The following BPTF variants were observed in gnomAD, a reference collection of about 807,000 sequenced individuals.
BPTF encodes bromodomain PHD finger transcription factor.
A neutral mutation model predicts 292.5 loss-of-function variants in BPTF; 18 were observed. The ratio of observed to expected loss-of-function variants is 0.06; its 90% CI spans 0.04 to 0.09. The LOEUF is 0.09. BPTF is among the 10% of genes least tolerant of loss of function. The pLI, the probability that BPTF is intolerant of heterozygous loss-of-function variation, is 1.00. For synonymous variants in BPTF, 1,225 were observed against 1,251.9 expected (o/e 0.98, Z 0.45); for missense variants, 2,726 against 3,498.7 (o/e 0.78, Z 5.57).
Position 67,911,126 on chromosome 17 carries a change from A to T in BPTF, c.3242A>T (p.Lys1081Ile), listed in dbSNP as rs761613293. Residue 1081 changes from lysine to isoleucine, a missense_variant, in exon 11 of 28, where the codon AAA (lysine) becomes ATA (isoleucine). Physicochemically the swap from Lys to Ile is moderately radical, Grantham distance 102. Around this residue, in one of 22 missense-constraint regions of BPTF, gnomAD observed 713 missense variants for 714.9 expected, o/e 1.00. Coordinates refer to ENST00000306378, the MANE Select transcript of BPTF (RefSeq NM_182641.4). ...FTLEEKQRLE[K>I]IKLEGGIKGI... ...CTGGAAGAAAAACAGCGACTCGAAA[A>T]AATCAAGTTGGAGGGTGGAATTAAG... 2.5e-6 allele frequency: 4 copies of T among 1,613,984 alleles called. No individual in the cohort carries two copies. Among genetic ancestry groups the T allele is most frequent in the Admixed American group, 3.3e-5 (2 of 60,002 alleles).
chr17:67,872,948 G>A (rs532115178), intron 3 of BPTF, among the ~76,000 whole-genome samples: 4 of 152,214 alleles, frequency 2.6e-5, no homozygotes, highest in East Asian at 1.9e-4. Context: ...TTAGCCAGGC[G>A]TGGTGACACA....
Position 67,910,973 on chromosome 17 carries a change from G to T in BPTF, c.3089G>T (p.Cys1030Phe). ...DDMKTESHVNCQESSQVDVVN... is the reference protein window; with the variant it reads ...DDMKTESHVNFQESSQVDVVN... The stretch of plus-strand genomic sequence containing the variant: ...ATGAAAACAGAGTCACATGTAAATT[G>T]TCAGGAGAGTTCTCAAGTAGATGTG... The change falls in exon 11 of 28, where the codon TGT (cysteine) becomes TTT (phenylalanine). Residue 1030 changes from cysteine to phenylalanine, a missense_variant. Cys to Phe is a radical substitution (Grantham distance 205). Around this residue, in one of 22 missense-constraint regions of BPTF, gnomAD observed 713 missense variants for 714.9 expected, o/e 1.00. Coordinates refer to ENST00000306378, the MANE Select transcript of BPTF (RefSeq NM_182641.4). The T allele has an allele frequency of 1.2e-6, 2 of 1,614,072 alleles. No homozygotes were observed. Among genetic ancestry groups the T allele is most frequent in the African/African-American group, 1.3e-5 (1 of 75,020 alleles).
At chr17:67,966,476 C>T (rs2068110892) in intron 25 of BPTF, 96 bp from the exon 26 acceptor site, 5 of 1,077,116 alleles carry the variant, frequency 4.6e-6, no homozygotes, top group Non-Finnish European at 7.0e-6. Flanking sequence ...AAATTTAAAA[C>T]TCACTTTTGG....
intron 15 of BPTF, among the ~76,000 whole-genome samples, chr17:67,927,181 C>G (rs911046051): frequency 3.3e-5 from 5 of 152,170 alleles, no homozygotes; most frequent in Admixed American, 6.5e-5. Context: ...CCTTAACTAG[C>G]TCTGTGGCCT....
intron 27 of BPTF, chr17:67,981,588 C>A: frequency 1.9e-6 from 2 of 1,044,812 alleles, no homozygotes; most frequent in South Asian, 2.9e-5. Flanking sequence ...AAAGATGTAT[C>A]GTGGTAAAAA....
At chr17:67,836,493 G>A (rs2057141940) in intron 1 of BPTF, among the ~76,000 whole-genome samples, 1 of 152,166 alleles carries the variant, frequency 6.6e-6, no homozygotes, top group Non-Finnish European at 1.5e-5. Flanking sequence ...CTCTTGTCCT[G>A]TTCTAATTCT....
chr17:67,972,481 T>C (rs2068872051), intron 26 of BPTF, among the ~76,000 whole-genome samples: 1 of 152,102 alleles, frequency 6.6e-6, no homozygotes, highest in Non-Finnish European at 1.5e-5. Context: ...TGACCTCAGG[T>C]AATCCGTCCG....
chr17:67,863,255 C>T lies in BPTF; in HGVS notation c.1437-3209C>T, dbSNP rs184588374. Among the ~76,000 whole-genome samples the T allele has an allele frequency of 3.0e-4, 45 of 152,276 alleles. 1 individual carries two copies. The highest frequency in any genetic ancestry group is 6.8e-3 in the Middle Eastern group (2 of 294). On this transcript the variant is annotated intron_variant, in intron 2 of 27. Coordinates refer to ENST00000306378, the MANE Select transcript of BPTF (RefSeq NM_182641.4). ...TTGGTTTACAAACAGACACATCACT[C>T]CAGTTGCTGCCTCTATGCTACCTTC...
intron 2 of BPTF, among the ~76,000 whole-genome samples, chr17:67,863,750 G>A (rs1283351126): frequency 6.6e-6 from 1 of 152,150 alleles, no homozygotes; most frequent in Non-Finnish European, 1.5e-5. Flanking sequence ...TGAGGTTGCA[G>A]GTGGACATGA....
At chr17:67,916,996 A>G (rs1216835639) in intron 11 of BPTF, among the ~76,000 whole-genome samples, 1 of 152,128 alleles carries the variant, frequency 6.6e-6, no homozygotes, top group Non-Finnish European at 1.5e-5. Context: ...GCAGTTAAGT[A>G]AATTTATTTT....
intron 27 of BPTF, among the ~76,000 whole-genome samples, chr17:67,976,703 AAAAAAAAAAAAAT>A (rs2069496495): frequency 7.2e-6 from 1 of 139,432 alleles, no homozygotes; most frequent in African/African-American, 2.6e-5. Flanking sequence ...AAAAAAAAAA[AAAAAAAAAAAAAT>A]AAGAATAAAA....
chr17:67,972,077 A>G (rs889562177), intron 26 of BPTF, among the ~76,000 whole-genome samples: 8 of 152,142 alleles, frequency 5.3e-5, no homozygotes, highest in African/African-American at 1.2e-4. Flanking sequence ...AGTGTCCCCT[A>G]TAGTTAACCT....
chr17:67,905,933 G>A (rs946507388), intron 9 of BPTF, among the ~76,000 whole-genome samples: 2 of 152,080 alleles, frequency 1.3e-5, no homozygotes, highest in African/African-American at 4.8e-5. Flanking sequence ...ATAGCATTAG[G>A]AGATATACCT....
chr17:67,976,706 A>AT (rs1555694108), intron 27 of BPTF, among the ~76,000 whole-genome samples: 6 of 141,522 alleles, frequency 4.2e-5, no homozygotes, highest in African/African-American at 7.7e-5. Flanking sequence ...AAAAAAAAAA[A>AT]AAAAAAAAAT....
chr17:67,842,817 CAA>C (rs60085248), intron 1 of BPTF, among the ~76,000 whole-genome samples: 5 of 47,814 alleles, frequency 1.0e-4, no homozygotes, highest in African/African-American at 2.3e-4. Context: ...CAATTAAGGC[CAA>C]AAAAAAAAAA....
intron 7 of BPTF, 47 bp from the exon 8 acceptor site, chr17:67,903,742 G>A (rs2062003601): frequency 2.1e-6 from 3 of 1,462,908 alleles, no homozygotes; most frequent in Non-Finnish European, 2.7e-6. Context: ...TATCTTTTCT[G>A]TTTATTTTTC....
intron 3 of BPTF, among the ~76,000 whole-genome samples, chr17:67,873,604 A>G (rs1157602451): frequency 6.6e-6 from 1 of 152,244 alleles, no homozygotes. Flanking sequence ...ACAAATAACT[A>G]GATATGTTAT....
chr17:67,856,916 G>A (rs2058722503), intron 2 of BPTF, among the ~76,000 whole-genome samples: 1 of 152,028 alleles, frequency 6.6e-6, no homozygotes, highest in Non-Finnish European at 1.5e-5. Context: ...CAGCTTGAAG[G>A]GGAGAATGGT....
intron 1 of BPTF, among the ~76,000 whole-genome samples, chr17:67,833,365 G>A (rs1479024474): frequency 6.6e-6 from 1 of 151,704 alleles, no homozygotes; most frequent in Non-Finnish European, 1.5e-5. Context: ...AGGATTACAG[G>A]CACACATCTC....
Sources: allele counts gnomAD v4.1 joint callset (sites outside exome capture counted in the v4.1 genomes callset), GRCh38; gene constraint gnomAD v4.1.1; regional missense constraint gnomAD v4.1.1; transcripts MANE v1.5; gene names NCBI Gene and HGNC (gene_info 2026-07-23, HGNC 2026-07-21).